Variants in CYP19A1 observed in about 807,000 individuals in gnomAD.
The protein encoded by CYP19A1 is aromatase.
In CYP19A1, 32 loss-of-function variants were observed where a neutral mutation model predicts 44.4. The observed-to-expected ratio is 0.72, with a 90% CI of 0.54 to 0.97. The LOEUF is 0.97. CYP19A1 is among the 50% of genes least tolerant of loss of function. The pLI, the probability that CYP19A1 is intolerant of heterozygous loss-of-function variation, is 0.00. For synonymous variants in CYP19A1, 212 were observed against 215.6 expected, an observed-to-expected ratio of 0.98 and a Z score of 0.14; for missense variants, 598 against 637.8, an observed-to-expected ratio of 0.94 and a Z score of 0.67.
chr15:51,330,973 G>GGGATGAGGAAGCGC (rs2036691654), intron 1 of CYP19A1, among the ~76,000 whole-genome samples: 1 of 152,164 alleles, frequency 6.6e-6, no homozygotes, highest in Non-Finnish European at 1.5e-5. Flanking sequence ...GAATGAATGA[G>GGGATGAGGAAGCGC]GGATGAGGAA....
chr15:51,327,208 T>C (rs1406605179), intron 1 of CYP19A1, among the ~76,000 whole-genome samples: 3 of 152,228 alleles, frequency 2.0e-5, no homozygotes. Flanking sequence ...TGGTGCCATA[T>C]GCCAGGCTTG....
chr15:51,254,186 C>T (rs2141149173), intron 1 of CYP19A1, among the ~76,000 whole-genome samples: 1 of 152,314 alleles, frequency 6.6e-6, no homozygotes, highest in East Asian at 1.9e-4. Context: ...ACTCAACTAG[C>T]TAAACTGCCT....
intron 1 of CYP19A1, among the ~76,000 whole-genome samples, chr15:51,301,320 G>A (rs578050065): frequency 5.3e-5 from 8 of 152,302 alleles, no homozygotes; most frequent in African/African-American, 1.9e-4. Context: ...GGCAGACATT[G>A]AGCATAAAAC....
At chr15:51,308,442 G>A (rs1390580373) in intron 1 of CYP19A1, among the ~76,000 whole-genome samples, 2 of 152,144 alleles carry the variant, frequency 1.3e-5, no homozygotes, top group East Asian at 1.9e-4. Flanking sequence ...TTTTTAAAGA[G>A]GGGAATAAGC....
chr15:51,265,568 C>T (rs2034887280), intron 1 of CYP19A1, among the ~76,000 whole-genome samples: 1 of 152,112 alleles, frequency 6.6e-6, no homozygotes, highest in Non-Finnish European at 1.5e-5. Flanking sequence ...ATTTCCCAGT[C>T]CTGACTGCAG....
rs1043795023 is a variant in CYP19A1 at position 51,218,783 on chromosome 15, C to T, written c.629-128G>A. 27 of 1,495,356 alleles carry T rather than the reference C, an allele frequency of 1.8e-5. No individual in the cohort carries two copies. The East Asian group carries it at 6.5e-4, about 36-fold the overall frequency. 92.6% of individuals were successfully genotyped at this position (1,495,356 alleles called of 1,614,324 possible). A position where few individuals can be genotyped will look rare whatever the true frequency, so the allele number is the denominator to read the frequency against. On this transcript the variant is annotated intron_variant, in intron 5 of 9. Transcript: ENST00000396402. The stretch of plus-strand genomic sequence containing the variant: ...AACAGTCTGGGGGTTCTAAGCTCAG[C>T]AAGATTCCATCTTCAGTAGGAGTTT...
chr15:51,261,882 G>A (rs1361177822), intron 1 of CYP19A1, among the ~76,000 whole-genome samples: 2 of 152,126 alleles, frequency 1.3e-5, no homozygotes, highest in Non-Finnish European at 2.9e-5. Context: ...ACTTCTCACT[G>A]CCCACCATCT....
intron 1 of CYP19A1, among the ~76,000 whole-genome samples, chr15:51,294,789 C>T (rs1385288830): frequency 1.3e-5 from 2 of 152,038 alleles, no homozygotes; most frequent in East Asian, 1.9e-4. Context: ...TGAGGAGCCC[C>T]TCTGCCCGGC....
chr15:51,267,524 G>T (rs2034967204), intron 1 of CYP19A1, among the ~76,000 whole-genome samples: 1 of 152,178 alleles, frequency 6.6e-6, no homozygotes, highest in South Asian at 2.1e-4. Context: ...GTACGCCGAG[G>T]TCTGCGCCGC....
intron 1 of CYP19A1, among the ~76,000 whole-genome samples, chr15:51,253,074 A>T (rs1048340430): frequency 6.6e-6 from 1 of 152,202 alleles, no homozygotes; most frequent in African/African-American, 2.4e-5. Flanking sequence ...TCCCCACACC[A>T]TTCACATTCC....
intron 1 of CYP19A1, among the ~76,000 whole-genome samples, chr15:51,308,901 CT>C (rs1206990226): frequency 6.6e-6 from 1 of 152,186 alleles, no homozygotes; most frequent in African/African-American, 2.4e-5. Flanking sequence ...ACGGCACCTA[CT>C]TGTGCTCGCT....
chr15:51,330,975 G>A (rs1219251340), intron 1 of CYP19A1, among the ~76,000 whole-genome samples: 2 of 152,138 alleles, frequency 1.3e-5, no homozygotes, highest in African/African-American at 4.8e-5. Flanking sequence ...ATGAATGAGG[G>A]ATGAGGAAGC....
chr15:51,272,748 G>C lies in CYP19A1; in HGVS notation c.-38-29798C>G, dbSNP rs559055742. On this transcript the variant is annotated intron_variant, in intron 1 of 9. Coordinates refer to ENST00000396402, the MANE Select transcript of CYP19A1 (RefSeq NM_000103.4). ...ATGTATGAAGTTTGTAATTATTATA[G>C]GGGAAAAAACTGGCCCAGCAGGAGA... Among the ~76,000 whole-genome samples, 58 of 152,220 alleles carry C rather than the reference G, an allele frequency of 3.8e-4. No individual in the cohort carries two copies. In the Middle Eastern group the frequency reaches 0.01, roughly 27 times the overall value.
intron 1 of CYP19A1, among the ~76,000 whole-genome samples, chr15:51,247,691 T>C (rs2034126043): frequency 6.6e-6 from 1 of 152,156 alleles, no homozygotes; most frequent in Admixed American, 6.5e-5. Context: ...GTCAGGCTAG[T>C]CTGGAACTCC....
intron 1 of CYP19A1, among the ~76,000 whole-genome samples, chr15:51,296,552 G>C (rs532868701): frequency 6.6e-6 from 1 of 152,104 alleles, no homozygotes; most frequent in Non-Finnish European, 1.5e-5. Flanking sequence ...CGGGAAACTC[G>C]CTAAAATTAC....
intron 1 of CYP19A1, among the ~76,000 whole-genome samples, chr15:51,327,492 CTTTT>C (rs749237607): frequency 7.0e-6 from 1 of 143,740 alleles, no homozygotes; most frequent in African/African-American, 2.5e-5. Context: ...TGACATTGTT[CTTTT>C]TTTTTTTTTT....
At chr15:51,332,643 T>C (rs2036719262) in intron 1 of CYP19A1, among the ~76,000 whole-genome samples, 1 of 152,222 alleles carries the variant, frequency 6.6e-6, no homozygotes, top group South Asian at 2.1e-4. Flanking sequence ...AACACCCTTT[T>C]ATCTGGTGGA....
At position 51,227,908 on chromosome 15, in the gene CYP19A1, T is replaced by C; in HGVS notation, c.322A>G (p.Lys108Glu). Residue 108 changes from lysine (K) to glutamate (E), a missense_variant, in exon 4 of 10, where the codon AAG (lysine) becomes GAG (glutamate). Physicochemically the swap from Lys to Glu is moderately conservative, Grantham distance 56 (BLOSUM62 1). Transcript: ENST00000396402. ...AATCGAGAGCTGTAATGATTGTGCTTCATTATGTGGAACATACTTGAGGAC... is the reference window on the plus strand; with the variant it reads ...AATCGAGAGCTGTAATGATTGTGCTCCATTATGTGGAACATACTTGAGGAC... ...SKSSSMFHIM[K>E]HNHYSSRFGS... The C allele has an allele frequency of 6.3e-7, 1 of 1,599,640 alleles. No homozygotes were observed. The highest frequency in any genetic ancestry group is 8.6e-7 in the Non-Finnish European group (1 of 1,166,860).
chr15:51,219,045 G>A (rs1225321194), intron 5 of CYP19A1, among the ~76,000 whole-genome samples: 1 of 152,174 alleles, frequency 6.6e-6, no homozygotes, highest in Non-Finnish European at 1.5e-5. Flanking sequence ...AGTGTAAAAA[G>A]CAGAGCCTGT....
Sources: gnomAD v4.1 joint callset for allele counts (sites outside exome capture counted in the v4.1 genomes callset) on GRCh38, gnomAD v4.1.1 for gene constraint, MANE v1.5 for transcripts, NCBI Gene and HGNC (gene_info 2026-07-23, HGNC 2026-07-21) for gene names.